Variants in CACNG8 observed in about 807,000 individuals in gnomAD.
CACNG8 encodes the protein voltage-dependent calcium channel gamma-8 subunit.
Under a neutral mutation model 26.9 loss-of-function variants are expected in CACNG8, and 5 were observed. That is an observed-to-expected ratio of 0.19 (90% CI 0.10 to 0.39). The LOEUF is 0.39. CACNG8 is among the 10% of genes least tolerant of loss of function. The probability of loss-of-function intolerance (pLI) is 1.00; values close to 1 mark genes in which losing one functional copy is unlikely to be tolerated. For synonymous variants in CACNG8, 321 were observed against 296.7 expected (o/e 1.08, Z -0.84); for missense variants, 473 against 609.4 (o/e 0.78, Z 2.36).
chr19:53,979,519 G>A (rs1323317656), intron 2 of CACNG8, among the ~76,000 whole-genome samples: 1 of 151,748 alleles, frequency 6.6e-6, no homozygotes, highest in Non-Finnish European at 1.5e-5. Flanking sequence ...AGGAAGGGAC[G>A]AGAAAGAGAA....
intron 1 of CACNG8, among the ~76,000 whole-genome samples, chr19:53,975,205 C>A (rs955312330): frequency 1.3e-5 from 2 of 152,116 alleles, no homozygotes; most frequent in Admixed American, 6.6e-5. Flanking sequence ...ACCTCAGCCT[C>A]CCAAAATGCT....
rs1204317803 is a variant in CACNG8 at position 53,984,611 on chromosome 19, G to A, written c.*1762G>A. Reference sequence around the variant, plus strand: ...TTCTGGGATGCTGATGTACAAGGTGGGGCTGGGAGATGAGGCCGGGAAAGT... The same window carrying A: ...TTCTGGGATGCTGATGTACAAGGTGAGGCTGGGAGATGAGGCCGGGAAAGT... On this transcript the variant is annotated 3_prime_UTR_variant, in exon 4 of 4. Transcript: ENST00000270458. The A allele has an allele frequency of 6.6e-6, 1 of 152,404 alleles. No homozygotes were observed. The highest frequency in any genetic ancestry group is 1.5e-5 in the Non-Finnish European group (1 of 68,222). The allele number at this position is 152,404 out of a possible 1,614,324, so 9.4% of individuals were successfully genotyped here.
chr19:53,963,828 G>T (rs2069257270), intron 1 of CACNG8, among the ~76,000 whole-genome samples: 2 of 139,838 alleles, frequency 1.4e-5, no homozygotes, highest in East Asian at 2.1e-4. Context: ...TTTTGACAAG[G>T]TCTCACTCTG....
chr19:53,973,445 C>T (rs900622487), intron 1 of CACNG8, among the ~76,000 whole-genome samples: 1 of 152,042 alleles, frequency 6.6e-6, no homozygotes, highest in African/African-American at 2.4e-5. Context: ...ATCATTTGAA[C>T]CTGGGAGGGG....
rs553445731 is a variant in CACNG8, at chr19:53,963,066, C to A, written c.-77C>A. The A allele has an allele frequency of 1.4e-3, 1,252 of 904,774 alleles. 12 individuals are homozygous for A. In the East Asian group the frequency reaches 0.017, roughly 13 times the overall value. 56.0% of individuals were successfully genotyped at this position (904,774 alleles called of 1,614,324 possible). ...CCCGCTTCTGCCTGCGCTGTGAACC[C>A]CCCCCCAGCCGCCGGCACGGCCCCG... On this transcript the variant is annotated 5_prime_UTR_variant, in exon 1 of 4. Coordinates refer to ENST00000270458, the MANE Select transcript of CACNG8 (RefSeq NM_031895.6).
chr19:53,965,874 T>C (rs12980072), intron 1 of CACNG8, among the ~76,000 whole-genome samples: 51,305 of 151,318 alleles, frequency 0.34, 8,892 homozygotes, highest in East Asian at 0.49. Flanking sequence ...ATCACAGGTC[T>C]GAAGGAAGTA....
chr19:53,979,798 A>AG, intron 2 of CACNG8, 69 bp from the exon 3 acceptor site: 1 of 1,481,638 alleles, frequency 6.7e-7, no homozygotes, highest in African/African-American at 1.4e-5. Flanking sequence ...GGGGCCGGGA[A>AG]GGGGGCGCAG....
intron 1 of CACNG8, among the ~76,000 whole-genome samples, chr19:53,972,158 C>T (rs1409378294): frequency 6.6e-6 from 1 of 151,856 alleles, no homozygotes; most frequent in African/African-American, 2.4e-5. Context: ...CCACGCTGGG[C>T]TACTTTTTGT....
chr19:53,973,308 G>A (rs2069312827), intron 1 of CACNG8, among the ~76,000 whole-genome samples: 1 of 152,092 alleles, frequency 6.6e-6, no homozygotes, highest in Non-Finnish European at 1.5e-5. Context: ...GATCACCTGA[G>A]GCCAGGAGTT....
chr19:53,976,588 C>T (rs2069331337), intron 1 of CACNG8, among the ~76,000 whole-genome samples: 1 of 152,184 alleles, frequency 6.6e-6, no homozygotes, highest in Admixed American at 6.5e-5. Flanking sequence ...TCATGGTCTG[C>T]CTGTGATCTC....
chr19:53,964,119 C>T (rs1402004958), intron 1 of CACNG8, among the ~76,000 whole-genome samples: 1 of 152,004 alleles, frequency 6.6e-6, no homozygotes, highest in African/African-American at 2.4e-5. Context: ...CCCTCTTTCC[C>T]GTCAGTTCAT....
intron 1 of CACNG8, among the ~76,000 whole-genome samples, chr19:53,963,976 T>A (rs1253418183): frequency 1.3e-5 from 2 of 151,912 alleles, no homozygotes; most frequent in Non-Finnish European, 2.9e-5. Context: ...TAATTTTTTT[T>A]ATTATTTGTA....
rs2069374223 is a variant in CACNG8, at chr19:53,982,255, C to G, written c.684C>G (p.Ile228Met). 6.2e-7 allele frequency: 1 copy of G among 1,612,416 alleles called. No homozygotes were observed. The highest frequency in any genetic ancestry group is 8.5e-7 in the Non-Finnish European group (1 of 1,179,542). ...GCGTGCTGGCCGTCAACATCTACAT[C>G]GAGCGCAGCCGCGAGGCGCACTGCC... Residue 228 changes from isoleucine (I) to methionine (M), a missense_variant, in exon 4 of 4, where the codon ATC becomes ATG. Physicochemically the swap from Ile to Met is conservative, Grantham distance 10 (BLOSUM62 1). This residue lies in a region of CACNG8 where 155 missense variants were observed against 253.0 expected (regional missense o/e 0.61). Coordinates refer to ENST00000270458, the MANE Select transcript of CACNG8 (RefSeq NM_031895.6). The surrounding 1 kb of genome is among the most constrained non-coding windows in gnomAD (Gnocchi z 8.4).
intron 1 of CACNG8, among the ~76,000 whole-genome samples, chr19:53,963,892 C>T (rs1022269069): frequency 2.0e-5 from 3 of 150,700 alleles, no homozygotes; most frequent in African/African-American, 7.4e-5. Flanking sequence ...GCCTCGAATC[C>T]CTAGGCTCAA....
chr19:53,977,198 T>G (rs560119135), intron 1 of CACNG8, among the ~76,000 whole-genome samples: 2 of 152,254 alleles, frequency 1.3e-5, no homozygotes, highest in African/African-American at 4.8e-5. Context: ...TGTCTGTGTG[T>G]GTCTAGGGAA....
chr19:53,978,052 G>C (rs914560995), intron 1 of CACNG8, 94 bp from the exon 2 acceptor site: 3 of 813,738 alleles, frequency 3.7e-6, no homozygotes, highest in Non-Finnish European at 6.2e-6. Flanking sequence ...AGAGAGAAGG[G>C]GTTTGGGGAA....
rs138638156 is a variant in CACNG8, at chr19:53,970,488, A to T, written c.283+7063A>T. ...AAAAATACAAAAATTAGTCGGGCGT[A>T]GTTGTGGGTGCTTGTAGTCCCAGCT... On this transcript the variant is annotated intron_variant, in intron 1 of 3. Coordinates refer to ENST00000270458, the MANE Select transcript of CACNG8 (RefSeq NM_031895.6). Among the ~76,000 whole-genome samples the T allele has an allele frequency of 2.7e-3, 399 of 149,632 alleles. 3 individuals carry two copies. The highest frequency in any genetic ancestry group is 9.4e-3 in the African/African-American group (380 of 40,606).
chr19:53,964,150 C>G (rs1304879671), intron 1 of CACNG8, among the ~76,000 whole-genome samples: 4 of 151,996 alleles, frequency 2.6e-5, no homozygotes, highest in African/African-American at 9.7e-5. Flanking sequence ...CTCCTCCGCT[C>G]CACCTGCCCC....
At chr19:53,980,958 G>T (rs976912841) in intron 3 of CACNG8, among the ~76,000 whole-genome samples, 4 of 151,988 alleles carry the variant, frequency 2.6e-5, no homozygotes, top group Admixed American at 2.0e-4. Flanking sequence ...GGGGCTTGGA[G>T]GATCTGAAAG....
Sources: gnomAD v4.1 joint callset for allele counts (sites outside exome capture counted in the v4.1 genomes callset) on GRCh38, gnomAD v4.1.1 for gene constraint, gnomAD v4.1.1 regional missense constraint, Gnocchi (gnomAD v3.1) non-coding constraint, MANE v1.5 for transcripts, NCBI Gene and HGNC (gene_info 2026-07-23, HGNC 2026-07-21) for gene names.